MYCBPAP: variants seen among roughly 807,000 people sequenced by gnomAD.
MYCBPAP encodes MYCBP-associated protein.
In MYCBPAP, 60 loss-of-function variants were observed where a neutral mutation model predicts 106.1. That is an observed-to-expected ratio of 0.57 (90% confidence interval 0.46 to 0.70). MYCBPAP has a LOEUF of 0.70. Among genes scored for constraint, MYCBPAP ranks in the 30% least tolerant of loss-of-function variants. The probability of loss-of-function intolerance (pLI) is 0.00; values close to 1 mark genes in which losing one functional copy is unlikely to be tolerated. For missense variants in MYCBPAP, 1,064 were observed against 1,169.3 expected (o/e 0.91, Z 1.31); for synonymous variants, 407 against 440.6 (o/e 0.92, Z 0.95).
chr17:50,530,871 C>G (rs1277141563), intron 18 of MYCBPAP, among the ~76,000 whole-genome samples: 1 of 150,756 alleles, frequency 6.6e-6, no homozygotes, highest in Admixed American at 6.6e-5. Context: ...TCAAAGGTAC[C>G]AGCGCAGGGC....
At position 50,531,399 on chromosome 17, in the gene MYCBPAP, G is replaced by T; in HGVS notation, c.2797G>T (p.Val933Phe). 1 of 1,613,540 alleles carries T rather than the reference G, an allele frequency of 6.2e-7. No homozygotes were observed. Among genetic ancestry groups the T allele is most frequent in the Non-Finnish European group, 8.5e-7 (1 of 1,179,818 alleles). ...TGATGAGCTCAGCCCCATAAAGAAT[G>T]TCGAGGAGGCTTTGCGCCTCTGCAG... Reference protein sequence around the residue: ...LADELSPIKNVEEALRLCR With the variant: ...LADELSPIKNFEEALRLCR The change falls in exon 19 of 19, where the codon GTC (valine) becomes TTC (phenylalanine). Residue 933 changes from valine (V) to phenylalanine (F), a missense_variant. By Grantham distance (50) the Val-to-Phe change is conservative. Transcript: ENST00000323776.
At chr17:50,510,533 A>ATATATATATG (rs1567879382) in intron 1 of MYCBPAP, 2 of 130,916 alleles carry the variant, frequency 1.5e-5, no homozygotes, top group Non-Finnish European at 3.2e-5. Flanking sequence ...ATATATATAT[A>ATATATATATG]TATGTATTTT....
chr17:50,521,051 TG>T, intron 7 of MYCBPAP, 58 bp from the exon 8 acceptor site: 1 of 1,370,490 alleles, frequency 7.3e-7, no homozygotes, highest in Non-Finnish European at 1.0e-6. Flanking sequence ...CCTTGAGAAG[TG>T]GGTGAGCAAG....
intron 10 of MYCBPAP, chr17:50,522,709 A>AAAAATATATATATATATATATATAT: frequency 1.2e-4 from 6 of 50,034 alleles, no homozygotes; most frequent in African/African-American, 4.8e-4. Context: ...AAAAAAAAAA[A>AAAAATATATATATATATATATATAT]ATATATATAT....
rs144729003 is a variant in MYCBPAP, at chr17:50,523,698, C to G, written c.1549C>G (p.Leu517Val). 104 of 1,614,162 alleles carry G rather than the reference C, an allele frequency of 6.4e-5. No individual in the cohort carries two copies. In the South Asian group the frequency reaches 1.1e-3, roughly 18 times the overall value. Residue 517 changes from leucine (L) to valine (V), a missense_variant, in exon 12 of 19, where the codon CTA (leucine) becomes GTA (valine). Transcript: ENST00000323776. ...EFWEFRTHPTLLGGAILQVNL... is the reference protein window; with the variant it reads ...EFWEFRTHPTVLGGAILQVNL... ...TTGGGAGTTTCGAACCCATCCTACT[C>G]TATTAGGAGGTGCTATACTGCAGGT...
rs761801200 is a variant in MYCBPAP at position 50,521,171 on chromosome 17, CT to C, written c.979del (p.Tyr327ThrfsTer57). 3.5e-5 allele frequency: 56 copies of C among 1,613,900 alleles called. No individual in the cohort carries two copies. The highest frequency in any genetic ancestry group is 4.6e-5 in the Non-Finnish European group (54 of 1,179,978). ...CCTGGGATCGGAGTCTGTTTCTGAT[CT>C]ACCGACGCAAGGAGCTGCAGAGAAT... The part of the protein sequence containing the change: ...YTWDRSLFLI[Y>X]RRKELQRIME... On this transcript the variant is annotated frameshift_variant, in exon 8 of 19. Coordinates refer to ENST00000323776, the MANE Select transcript of MYCBPAP (RefSeq NM_032133.6). LOFTEE classifies it high-confidence loss of function.
chr17:50,517,268 TCTC>T (rs757200981), intron 2 of MYCBPAP, 22 bp from the exon 3 acceptor site: 13 of 1,611,790 alleles, frequency 8.1e-6, no homozygotes, highest in South Asian at 2.2e-5. Context: ...CAGGTGGAAT[TCTC>T]CTTTGTTTTA....
intron 1 of MYCBPAP, chr17:50,509,480 CT>C: frequency 4.5e-6 from 1 of 221,766 alleles, no homozygotes; most frequent in Non-Finnish European, 9.0e-6. Context: ...CCCTTTTGAT[CT>C]TTTTTGGCTG....
intron 9 of MYCBPAP, 146 bp from the exon 10 acceptor site, chr17:50,521,827 A>G: frequency 1.5e-6 from 1 of 662,018 alleles, no homozygotes; most frequent in Non-Finnish European, 2.6e-6. Context: ...GTCAGGAGGA[A>G]GCTGCGTGGG....
At chr17:50,522,709 A>AAAAAATAT in intron 10 of MYCBPAP, 6 of 50,014 alleles carry the variant, frequency 1.2e-4, no homozygotes, top group Admixed American at 6.0e-4. Flanking sequence ...AAAAAAAAAA[A>AAAAAATAT]ATATATATAT....
chr17:50,519,718 A>G lies in MYCBPAP; in HGVS notation c.847A>G (p.Lys283Glu). ...EMTGLVMTKT[K>E]TQRGLMEPIT... Reference sequence around the variant, plus strand: ...GACAGGTCTGGTCATGACCAAGACAAAAACTCAGCGTGGCCTCATGGAGCC... The same window carrying G: ...GACAGGTCTGGTCATGACCAAGACAGAAACTCAGCGTGGCCTCATGGAGCC... The change falls in exon 7 of 19, where the codon AAA becomes GAA. Residue 283 changes from lysine (K) to glutamate (E), a missense_variant. Physicochemically the swap from Lys to Glu is moderately conservative, Grantham distance 56. Coordinates refer to ENST00000323776, the MANE Select transcript of MYCBPAP (RefSeq NM_032133.6). 1 of 1,614,174 alleles carries G rather than the reference A, an allele frequency of 6.2e-7. No homozygotes were observed.
chr17:50,521,878 G>T (rs1192964652), intron 9 of MYCBPAP, 95 bp from the exon 10 acceptor site: 3 of 1,107,156 alleles, frequency 2.7e-6, no homozygotes, highest in Non-Finnish European at 4.1e-6. Context: ...AGAGCTGGTT[G>T]TGTTTCTAGG....
rs925512156 is a variant in MYCBPAP at position 50,527,342 on chromosome 17, A to G, written c.2225A>G (p.Asn742Ser). The G allele has an allele frequency of 1.9e-6, 3 of 1,614,016 alleles. No homozygotes were observed. Among genetic ancestry groups the G allele is most frequent in the Non-Finnish European group, 2.5e-6 (3 of 1,180,016 alleles). ...AGAGAGGATGCGTTGATGAGGCTCA[A>G]CAAAGCAGCCCTGGAGCTGTGCCAG... ...NHREDALMRL[N>S]KAALELCQKP... is the part of the protein sequence containing the mutation. The change falls in exon 15 of 19, where the codon AAC (asparagine) becomes AGC (serine). Residue 742 changes from asparagine to serine, a missense_variant. Transcript: ENST00000323776.
chr17:50,516,517 A>G lies in MYCBPAP; in HGVS notation c.77-53A>G, dbSNP rs1378165711. On this transcript the variant is annotated intron_variant, in intron 1 of 18. Transcript: ENST00000323776. ...CTTTTATTTTTGTATGTATATATTG[A>G]TATATACAGAAGGAGCTCTTTAAGG... 2.1e-5 allele frequency: 33 copies of G among 1,587,486 alleles called. No homozygotes were observed. In the Admixed American group the frequency reaches 5.0e-4, roughly 24 times the overall value.
chr17:50,510,497 G>GTATACATA (rs1270955072), intron 1 of MYCBPAP: 1 of 89,522 alleles, frequency 1.1e-5, no homozygotes, highest in South Asian at 3.7e-4. Context: ...GTGTGTGTGT[G>GTATACATA]TGTATATATA....
upstream of MYCBPAP, chr17:50,508,345 G>T (rs944947770): frequency 1.4e-4 from 70 of 486,424 alleles, no homozygotes; most frequent in East Asian, 2.3e-3. Flanking sequence ...GCAACTCGCG[G>T]GGGTCCTCGC....
intron 18 of MYCBPAP, chr17:50,529,660 A>G (rs2034571906): frequency 4.6e-6 from 2 of 436,012 alleles, no homozygotes; most frequent in African/African-American, 2.0e-5. Context: ...TAGAAACGCA[A>G]TAGGGTCTGA....
intron 14 of MYCBPAP, among the ~76,000 whole-genome samples, chr17:50,526,772 G>A (rs1290715314): frequency 3.3e-5 from 5 of 152,322 alleles, no homozygotes; most frequent in Middle Eastern, 3.4e-3. Context: ...TTGTAGAGAC[G>A]GGGTTTCGCT....
Position 50,521,326 on chromosome 17 carries a change from G to A in MYCBPAP, c.1043G>A (p.Gly348Asp), listed in dbSNP as rs757090009. 117 of 1,602,672 alleles carry A rather than the reference G, an allele frequency of 7.3e-5. No individual in the cohort carries two copies. The highest frequency in any genetic ancestry group is 8.4e-5 in the Non-Finnish European group (99 of 1,173,888). Residue 348 changes from glycine to aspartate, a missense_variant, in exon 9 of 19, where the codon GGC becomes GAC. Physicochemically the swap from Gly to Asp is moderately conservative, Grantham distance 94. Transcript: ENST00000323776. Reference protein sequence around the residue: ...ELDFSQQDIDGLEVVGKGWPF... With the variant: ...ELDFSQQDIDDLEVVGKGWPF... ...CTCCATCTCTCGGAGGATATTGATG[G>A]CCTGGAGGTGGTGGGCAAAGGGTGG...
Sources: gnomAD v4.1 joint callset for allele counts (sites outside exome capture counted in the v4.1 genomes callset) on GRCh38, gnomAD v4.1.1 for gene constraint, MANE v1.5 for transcripts, NCBI Gene and HGNC (gene_info 2026-07-23, HGNC 2026-07-21) for gene names.